ERMP1: variants seen among roughly 807,000 people sequenced by gnomAD.
The protein encoded by ERMP1 is endoplasmic reticulum metallopeptidase 1.
In ERMP1, 86 loss-of-function variants were observed where a neutral mutation model predicts 92.0. The ratio of observed to expected loss-of-function variants is 0.93; its 90% CI spans 0.79 to 1.12. The LOEUF (loss-of-function observed/expected upper bound fraction) is 1.12. Ranked by LOEUF, ERMP1 falls within the 50% of genes most tolerant of loss-of-function variation. ERMP1 has a pLI of 0.00. For synonymous variants in ERMP1, 530 were observed against 412.8 expected (o/e 1.28, Z -3.44); for missense variants, 1,342 against 1,116.3 (o/e 1.20, Z -2.88).
upstream of ERMP1, chr9:5,833,254 G>A (rs190536404): frequency 1.6e-3 from 787 of 478,548 alleles, 2 homozygotes; most frequent in Non-Finnish European, 2.6e-3. Flanking sequence ...TGGATATGCC[G>A]TCTCCCGCAG....
Position 5,811,203 on chromosome 9 carries a change from TAGG to T in ERMP1, c.1232_1234del (p.Ala411_Tyr412delinsAsp), listed in dbSNP as rs765314806. The T allele has an allele frequency of 1.2e-5, 20 of 1,613,432 alleles. No homozygotes were observed. Among genetic ancestry groups the T allele is most frequent in the Non-Finnish European group, 8.5e-7 (1 of 1,179,884 alleles). On this transcript the variant is annotated inframe_deletion, in exon 7 of 15. Transcript: ENST00000339450. ...TATGATTGAGCCAATACGAGAGGGG[TAGG>T]CAATGACAAACAGGCCCAGCACATC...
At chr9:5,863,507 G>A (rs1830563113) in intron 5 of ERMP1, among the ~76,000 whole-genome samples, 1 of 152,190 alleles carries the variant, frequency 6.6e-6, no homozygotes, top group Non-Finnish European at 1.5e-5. Context: ...TGACAATAAT[G>A]AGGGTGTGTC....
chr9:5,800,648 C>T (rs1454795733), intron 11 of ERMP1, among the ~76,000 whole-genome samples: 2 of 152,058 alleles, frequency 1.3e-5, no homozygotes, highest in East Asian at 1.9e-4. Flanking sequence ...TGCACTCCAG[C>T]CTGGGCAACA....
intron 2 of ERMP1, among the ~76,000 whole-genome samples, chr9:5,830,451 G>T (rs751444009): frequency 3.9e-5 from 6 of 152,160 alleles, no homozygotes; most frequent in Non-Finnish European, 8.8e-5. Context: ...TGGTAACATT[G>T]AGAAAGCTGC....
At chr9:5,827,296 AGAG>A (rs1348306177) in intron 2 of ERMP1, among the ~76,000 whole-genome samples, 2 of 152,222 alleles carry the variant, frequency 1.3e-5, no homozygotes, top group Non-Finnish European at 2.9e-5. Context: ...GGCCACATTA[AGAG>A]AAGAACTGTC....
At chr9:5,866,737 G>A (rs1429046668) in intron 5 of ERMP1, among the ~76,000 whole-genome samples, 1 of 152,220 alleles carries the variant, frequency 6.6e-6, no homozygotes, top group Non-Finnish European at 1.5e-5. Context: ...GTGGCGATGA[G>A]AGGGTCAGAT....
intron 7 of ERMP1, among the ~76,000 whole-genome samples, chr9:5,810,435 G>T (rs1829048456): frequency 6.6e-6 from 1 of 152,164 alleles, no homozygotes; most frequent in Non-Finnish European, 1.5e-5. Flanking sequence ...CATTTATTAA[G>T]AGTCTCTAGA....
chr9:5,800,101 C>T (rs940386972), intron 11 of ERMP1, among the ~76,000 whole-genome samples: 2 of 152,046 alleles, frequency 1.3e-5, no homozygotes, highest in Non-Finnish European at 2.9e-5. Context: ...GACTCTTGCC[C>T]TTAAGGGTAT....
intron 6 of ERMP1, among the ~76,000 whole-genome samples, chr9:5,851,698 A>T (rs10975318): frequency 7.2e-5 from 11 of 152,216 alleles, no homozygotes; most frequent in Non-Finnish European, 1.5e-4. Context: ...AGCTGGAGCT[A>T]CAAAACCAAG....
chr9:5,834,180 C>T (rs966985373), upstream of ERMP1, among the ~76,000 whole-genome samples: 1 of 152,226 alleles, frequency 6.6e-6, no homozygotes, highest in Admixed American at 6.5e-5. Flanking sequence ...TTCCTGCACG[C>T]ATCTTTCCTT....
intron 10 of ERMP1, among the ~76,000 whole-genome samples, chr9:5,802,943 G>C (rs915376070): frequency 6.6e-6 from 1 of 152,132 alleles, no homozygotes; most frequent in African/African-American, 2.4e-5. Flanking sequence ...CGAGGCACGA[G>C]AATTGCTTGA....
chr9:5,843,670 T>C (rs760598041), intron 6 of ERMP1, among the ~76,000 whole-genome samples: 1 of 152,218 alleles, frequency 6.6e-6, no homozygotes, highest in Non-Finnish European at 1.5e-5. Flanking sequence ...CTTTGTTTAT[T>C]TTGCAGGAAC....
chr9:5,819,447 C>T (rs1829447950), intron 4 of ERMP1, among the ~76,000 whole-genome samples: 1 of 152,226 alleles, frequency 6.6e-6, no homozygotes, highest in African/African-American at 2.4e-5. Context: ...ATTGCAACCT[C>T]ATATCAAACA....
At chr9:5,865,466 C>T (rs1425299914) in intron 5 of ERMP1, among the ~76,000 whole-genome samples, 1 of 149,432 alleles carries the variant, frequency 6.7e-6, no homozygotes, top group Non-Finnish European at 1.5e-5. Flanking sequence ...CGAGATCGCG[C>T]CACTGTGCTC....
At chr9:5,829,470 G>T (rs912808259) in intron 2 of ERMP1, among the ~76,000 whole-genome samples, 1 of 152,156 alleles carries the variant, frequency 6.6e-6, no homozygotes, top group Non-Finnish European at 1.5e-5. Context: ...TAATCCAGAA[G>T]TGTTAATATT....
intron 9 of ERMP1, 40 bp from the exon 10 acceptor site, chr9:5,805,257 C>A: frequency 1.4e-6 from 2 of 1,478,192 alleles, no homozygotes; most frequent in East Asian, 2.4e-5. Flanking sequence ...CTATGAAATC[C>A]TCCAGTGAGA....
At chr9:5,807,203 G>C (rs1828901703) in intron 8 of ERMP1, among the ~76,000 whole-genome samples, 1 of 152,060 alleles carries the variant, frequency 6.6e-6, no homozygotes, top group South Asian at 2.1e-4. Flanking sequence ...TTTATACATT[G>C]TTATCAGTTT....
At chr9:5,806,348 A>G (rs1828868898) in intron 8 of ERMP1, among the ~76,000 whole-genome samples, 1 of 151,756 alleles carries the variant, frequency 6.6e-6, no homozygotes, top group South Asian at 2.1e-4. Flanking sequence ...ATAAAATTTG[A>G]TCTTACAGTT....
Position 5,798,976 on chromosome 9 carries a change from T to C in ERMP1, c.2100A>G (p.Gly700=), listed in dbSNP as rs1470534626. The C allele has an allele frequency of 6.2e-7, 1 of 1,613,886 alleles. No homozygotes were observed. Among genetic ancestry groups the C allele is most frequent in the Non-Finnish European group, 8.5e-7 (1 of 1,179,832 alleles). The change falls in exon 12 of 15, where the codon GGA becomes GGG. Residue 700 remains glycine, a synonymous_variant. Transcript: ENST00000339450. ...TTCCAGAGTCCCGTTTAACTGCATT[T>C]CCTTCCAAGTCATGGAATGTTCTAG... ...HMTRTFHDLE[G]NAVKRDSGIW... is the part of the protein sequence containing the mutation.
Sources: allele counts gnomAD v4.1 joint callset (sites outside exome capture counted in the v4.1 genomes callset), GRCh38; gene constraint gnomAD v4.1.1; transcripts MANE v1.5; gene names NCBI Gene and HGNC (gene_info 2026-07-23, HGNC 2026-07-21).